Variants in POTEF observed in about 807,000 individuals in gnomAD.
The protein encoded by POTEF is POTE ankyrin domain family member F, also known as ANKRD26-like family C member 1B.
POTEF carries 20 observed loss-of-function variants against 83.2 expected under a neutral mutation model. The ratio of observed to expected loss-of-function variants is 0.24; its 90% confidence interval spans 0.17 to 0.35. The LOEUF (loss-of-function observed/expected upper bound fraction) is 0.35. Ranked by LOEUF, POTEF falls within the 10% of genes least tolerant of loss-of-function variation. The pLI is 1.00. For synonymous variants in POTEF, 196 were observed against 446.4 expected, an observed-to-expected ratio of 0.44 and a Z score of 7.07; for missense variants, 550 against 1,203.2, an observed-to-expected ratio of 0.46 and a Z score of 8.03.
intron 8 of POTEF, among the ~76,000 whole-genome samples, chr2:130,105,059 G>A (rs1185777241): frequency 1.3e-5 from 2 of 148,708 alleles, no homozygotes; most frequent in African/African-American, 2.5e-5. Context: ...AAATACTACT[G>A]TACAACCTGG....
intron 2 of POTEF, among the ~76,000 whole-genome samples, chr2:130,125,949 T>G (rs1425477903): frequency 6.6e-6 from 1 of 151,244 alleles, no homozygotes; most frequent in Non-Finnish European, 1.5e-5. Context: ...ACTTCCTTTT[T>G]CTCTTGCAAA....
intron 2 of POTEF, among the ~76,000 whole-genome samples, chr2:130,127,324 CAAAA>C (rs57173649): frequency 0.022 from 268 of 12,372 alleles, no homozygotes; most frequent in African/African-American, 0.08. Flanking sequence ...GACTCTGTCT[CAAAA>C]AAAAAAAAAA....
chr2:130,084,124 A>G (rs1488525505), intron 15 of POTEF, among the ~76,000 whole-genome samples: 1 of 124,920 alleles, frequency 8.0e-6, no homozygotes, highest in Middle Eastern at 3.5e-3. Context: ...ATAAAGTGGG[A>G]GAAATGCAGA....
At chr2:130,127,141 G>GA (rs1685110912) in intron 2 of POTEF, among the ~76,000 whole-genome samples, 1 of 151,476 alleles carries the variant, frequency 6.6e-6, no homozygotes, top group Admixed American at 6.6e-5. Context: ...CTAACACTGT[G>GA]AAACCCCATC....
At chr2:130,103,556 CAT>C (rs1292216603) in intron 8 of POTEF, among the ~76,000 whole-genome samples, 14 of 138,740 alleles carry the variant, frequency 1.0e-4, no homozygotes, top group South Asian at 2.4e-4. Context: ...TATTCCTCCA[CAT>C]GTCTGTCCCG....
Sources: gnomAD v4.1 joint callset for allele counts (sites outside exome capture counted in the v4.1 genomes callset) on GRCh38, gnomAD v4.1.1 for gene constraint, MANE v1.5 for transcripts, NCBI Gene and HGNC (gene_info 2026-07-23, HGNC 2026-07-21) for gene names.